The following NKAIN3 variants were observed in gnomAD, a reference collection of about 807,000 sequenced individuals.
NKAIN3 encodes sodium/potassium-transporting ATPase subunit beta-1-interacting protein 3.
A neutral mutation model predicts 30.2 loss-of-function variants in NKAIN3; 25 were observed. That is an observed-to-expected ratio of 0.83 (90% CI 0.60 to 1.16). The LOEUF is 1.16. NKAIN3 is among the 50% of genes most tolerant of loss of function. The probability of loss-of-function intolerance (pLI) is 0.00; values close to 1 mark genes in which losing one functional copy is unlikely to be tolerated. For synonymous variants in NKAIN3, 91 were observed against 89.6 expected (o/e 1.02, Z -0.09); for missense variants, 225 against 254.1 (o/e 0.89, Z 0.78).
At position 62,262,661 on chromosome 8, in the gene NKAIN3, CT is replaced by C. The variant is rs1563910879; in HGVS notation, c.54+13535del. On this transcript the variant is annotated intron_variant, in intron 1 of 6. Coordinates refer to ENST00000623646, the MANE Select transcript of NKAIN3 (RefSeq NM_001304533.3). ...AAAGATCCCCTAAGAGTCTTTTCAT[CT>C]ACAAGAGAGCTGTGGTTGGAAATAC... 2.0e-5 allele frequency among the ~76,000 whole-genome samples: 3 copies of C among 152,220 alleles called. No individual in the cohort carries two copies. The South Asian group carries it at 6.2e-4, about 32-fold the overall frequency.
chr8:62,847,972 A>G (rs897390075), intron 4 of NKAIN3, among the ~76,000 whole-genome samples: 5 of 152,156 alleles, frequency 3.3e-5, no homozygotes, highest in African/African-American at 4.8e-5. Flanking sequence ...CAGGTTTGTC[A>G]AAGATCAGAT....
At chr8:62,715,218 C>T (rs759166963) in intron 3 of NKAIN3, among the ~76,000 whole-genome samples, 1 of 152,104 alleles carries the variant, frequency 6.6e-6, no homozygotes, top group Non-Finnish European at 1.5e-5. Context: ...GACCCTCCTC[C>T]AACATTGGAG....
chr8:62,643,449 G>T (rs1812366709), intron 3 of NKAIN3, among the ~76,000 whole-genome samples: 1 of 152,080 alleles, frequency 6.6e-6, no homozygotes, highest in Non-Finnish European at 1.5e-5. Context: ...CCGATGTGGA[G>T]AATTGGGCCC....
intron 6 of NKAIN3, among the ~76,000 whole-genome samples, chr8:62,959,951 C>A (rs983144727): frequency 6.6e-6 from 1 of 152,174 alleles, no homozygotes; most frequent in Non-Finnish European, 1.5e-5. Flanking sequence ...CAGTGGCACT[C>A]AGGACTCGTT....
At chr8:62,661,986 T>C (rs961543870) in intron 3 of NKAIN3, among the ~76,000 whole-genome samples, 1 of 152,182 alleles carries the variant, frequency 6.6e-6, no homozygotes, top group Non-Finnish European at 1.5e-5. Context: ...CAGGTCTTAC[T>C]AGTATATTTC....
chr8:62,496,663 T>C (rs1807248979), intron 1 of NKAIN3, among the ~76,000 whole-genome samples: 3 of 152,102 alleles, frequency 2.0e-5, no homozygotes, highest in African/African-American at 7.2e-5. Flanking sequence ...ATTGAGATAA[T>C]ATAAAGAGTA....
intron 5 of NKAIN3, among the ~76,000 whole-genome samples, chr8:62,924,528 C>T (rs1036027489): frequency 1.3e-5 from 2 of 152,154 alleles, no homozygotes; most frequent in East Asian, 3.9e-4. Context: ...TGGCAGAGAT[C>T]GGGGAGAAGG....
At chr8:62,583,223 T>A (rs1282322511) in intron 2 of NKAIN3, among the ~76,000 whole-genome samples, 1 of 152,172 alleles carries the variant, frequency 6.6e-6, no homozygotes, top group African/African-American at 2.4e-5. Context: ...CCACCCATGA[T>A]GAAACTGCTG....
intron 4 of NKAIN3, among the ~76,000 whole-genome samples, chr8:62,916,330 AT>A (rs1406659540): frequency 1.3e-5 from 2 of 152,230 alleles, no homozygotes; most frequent in African/African-American, 2.4e-5. Flanking sequence ...AATTAAGCTT[AT>A]GAAGAGTATT....
Position 62,367,508 on chromosome 8 carries a change from C to G in NKAIN3, c.54+118381C>G, listed in dbSNP as rs80022465. On this transcript the variant is annotated intron_variant, in intron 1 of 6. Coordinates refer to ENST00000623646, the MANE Select transcript of NKAIN3 (RefSeq NM_001304533.3). ...CAATAGATGCAGAAAAATGTTATAACAAAATTCAACATTCATTTATGATAA... is the reference window on the plus strand; with the variant it reads ...CAATAGATGCAGAAAAATGTTATAAGAAAATTCAACATTCATTTATGATAA... 6.4e-3 allele frequency among the ~76,000 whole-genome samples: 968 copies of G among 152,108 alleles called. 7 individuals are homozygous for G. Among genetic ancestry groups the G allele is most frequent in the African/African-American group, 0.022 (929 of 41,510 alleles).
chr8:62,459,059 GAAAA>G (rs11373955), intron 1 of NKAIN3, among the ~76,000 whole-genome samples: 3 of 143,844 alleles, frequency 2.1e-5, no homozygotes, highest in African/African-American at 5.1e-5. Flanking sequence ...TGTTGTCAGA[GAAAA>G]AAAAAAAAAA....
chr8:62,514,328 T>C (rs1025331724), intron 1 of NKAIN3, among the ~76,000 whole-genome samples: 1 of 152,070 alleles, frequency 6.6e-6, no homozygotes, highest in African/African-American at 2.4e-5. Flanking sequence ...TTTCAACCTA[T>C]GAGATGTGCT....
chr8:62,688,580 C>T (rs778408490), intron 3 of NKAIN3, among the ~76,000 whole-genome samples: 1 of 151,948 alleles, frequency 6.6e-6, no homozygotes, highest in Non-Finnish European at 1.5e-5. Context: ...TATACCTTGG[C>T]GTAAGGAAAG....
chr8:62,955,684 C>T (rs1376980238), intron 6 of NKAIN3, among the ~76,000 whole-genome samples: 12 of 152,164 alleles, frequency 7.9e-5, no homozygotes, highest in African/African-American at 1.7e-4. Context: ...ACTTGACGCC[C>T]ATGTACCTAT....
chr8:62,885,091 A>G (rs1273549515), intron 4 of NKAIN3, among the ~76,000 whole-genome samples: 3 of 151,862 alleles, frequency 2.0e-5, no homozygotes, highest in Non-Finnish European at 2.9e-5. Flanking sequence ...TTTATTTTAT[A>G]TGTTGCTTTT....
intron 1 of NKAIN3, among the ~76,000 whole-genome samples, chr8:62,445,689 C>T (rs944427567): frequency 1.3e-5 from 2 of 152,132 alleles, no homozygotes; most frequent in Non-Finnish European, 2.9e-5. Flanking sequence ...TATTGGTCCT[C>T]TCTGTCCTCA....
At chr8:62,730,032 A>C (rs1815418454) in intron 3 of NKAIN3, among the ~76,000 whole-genome samples, 2 of 152,230 alleles carry the variant, frequency 1.3e-5, no homozygotes, top group African/African-American at 4.8e-5. Context: ...TTGGACAATA[A>C]CAAATAATAC....
At chr8:62,358,815 G>C (rs1249505730) in intron 1 of NKAIN3, among the ~76,000 whole-genome samples, 2 of 152,144 alleles carry the variant, frequency 1.3e-5, no homozygotes, top group Non-Finnish European at 2.9e-5. Context: ...ATTTATAGAG[G>C]TAAACAAACA....
Position 62,274,430 on chromosome 8 carries a change from A to G in NKAIN3, c.54+25303A>G, listed in dbSNP as rs187293508. Reference sequence around the variant, plus strand: ...ATGTAACTCTTTGGGATTCTGCACTATGATAAAATGCAGATGGTCCTCAGA... The same window carrying G: ...ATGTAACTCTTTGGGATTCTGCACTGTGATAAAATGCAGATGGTCCTCAGA... On this transcript the variant is annotated intron_variant, in intron 1 of 6. Coordinates refer to ENST00000623646, the MANE Select transcript of NKAIN3 (RefSeq NM_001304533.3). Among the ~76,000 whole-genome samples the G allele has an allele frequency of 3.9e-5, 6 of 152,224 alleles. No individual in the cohort carries two copies. In the East Asian group the frequency reaches 5.8e-4, roughly 15 times the overall value.
Sources: gnomAD v4.1 joint callset for allele counts (sites outside exome capture counted in the v4.1 genomes callset) on GRCh38, gnomAD v4.1.1 for gene constraint, MANE v1.5 for transcripts, NCBI Gene and HGNC (gene_info 2026-07-23, HGNC 2026-07-21) for gene names.